The following SGCZ variants were observed in gnomAD, a reference collection of about 807,000 sequenced individuals.
The protein encoded by SGCZ is zeta-sarcoglycan.
SGCZ carries 40 observed loss-of-function variants against 41.3 expected under a neutral mutation model. The ratio of observed to expected loss-of-function variants is 0.97; its 90% CI spans 0.75 to 1.26. The LOEUF is 1.26. Ranked by LOEUF, SGCZ falls within the 50% of genes most tolerant of loss-of-function variation. The pLI is 0.00. For missense variants in SGCZ, 552 were observed against 369.8 expected (o/e 1.49, Z -4.04); for synonymous variants, 206 against 137.5 (o/e 1.50, Z -3.49).
chr8:14,735,842 C>G (rs1342078279), intron 1 of SGCZ, among the ~76,000 whole-genome samples: 2 of 151,990 alleles, frequency 1.3e-5, no homozygotes, highest in African/African-American at 4.8e-5. Context: ...ATTAGGGAGG[C>G]CTTGCTGACA....
At chr8:14,264,144 GC>G (rs2117242911) in intron 3 of SGCZ, among the ~76,000 whole-genome samples, 1 of 152,318 alleles carries the variant, frequency 6.6e-6, no homozygotes, top group Admixed American at 6.5e-5. Flanking sequence ...GGCCATAGCT[GC>G]CCTGGTCCCA....
At chr8:14,553,937 G>A (rs921356454) in intron 2 of SGCZ, among the ~76,000 whole-genome samples, 10 of 152,004 alleles carry the variant, frequency 6.6e-5, no homozygotes, top group Admixed American at 6.6e-4. Flanking sequence ...AGGTCCCCAA[G>A]GAAAAGCAGA....
chr8:14,625,002 A>G (rs752118318), intron 1 of SGCZ, among the ~76,000 whole-genome samples: 8 of 152,046 alleles, frequency 5.3e-5, no homozygotes, highest in Non-Finnish European at 1.2e-4. Context: ...CTTAGGTATA[A>G]TCTTCTGTTA....
At chr8:15,109,827 G>A (rs1806977297) in intron 1 of SGCZ, among the ~76,000 whole-genome samples, 1 of 152,018 alleles carries the variant, frequency 6.6e-6, no homozygotes, top group South Asian at 2.1e-4. Flanking sequence ...AATAGATATG[G>A]TTACTCTCAT....
At chr8:14,832,636 A>AG (rs1802570933) in intron 1 of SGCZ, among the ~76,000 whole-genome samples, 1 of 152,196 alleles carries the variant, frequency 6.6e-6, no homozygotes, top group South Asian at 2.1e-4. Flanking sequence ...GAGACATGAA[A>AG]GGGTGTCTGC....
chr8:15,237,503 C>A (rs1585705823), intron 1 of SGCZ, 82 bp downstream of exon 1: 1 of 1,500,864 alleles, frequency 6.7e-7, no homozygotes, highest in Non-Finnish European at 9.1e-7. Flanking sequence ...TACTCCGCGC[C>A]GCTGGAGGAG....
chr8:14,360,994 C>T lies in SGCZ; in HGVS notation c.235-36790G>A, dbSNP rs1350541354. On this transcript the variant is annotated intron_variant, in intron 2 of 7. Coordinates refer to ENST00000382080, the MANE Select transcript of SGCZ (RefSeq NM_139167.4). The stretch of plus-strand genomic sequence containing the variant: ...TTATATTAGCATTCTGATACCTGTG[C>T]AGTGATATCTCATAGTTTTCATATG... 2.6e-5 allele frequency among the ~76,000 whole-genome samples: 4 copies of T among 152,130 alleles called. No individual in the cohort carries two copies. In the East Asian group the frequency reaches 7.7e-4, roughly 29 times the overall value.
At chr8:15,112,624 G>C (rs1807111354) in intron 1 of SGCZ, among the ~76,000 whole-genome samples, 1 of 152,176 alleles carries the variant, frequency 6.6e-6, no homozygotes, top group Non-Finnish European at 1.5e-5. Flanking sequence ...CTCATCACTT[G>C]TGATGCTTGT....
intron 1 of SGCZ, among the ~76,000 whole-genome samples, chr8:14,632,057 G>A (rs1290065823): frequency 1.3e-5 from 2 of 151,814 alleles, no homozygotes; most frequent in Non-Finnish European, 2.9e-5. Flanking sequence ...TTGTTCTGTT[G>A]CAGGTTGAAA....
At chr8:14,744,350 A>G (rs970733050) in intron 1 of SGCZ, among the ~76,000 whole-genome samples, 1 of 152,136 alleles carries the variant, frequency 6.6e-6, no homozygotes, top group Non-Finnish European at 1.5e-5. Context: ...ACAGGTCTAT[A>G]GGCCAGAACA....
intron 1 of SGCZ, among the ~76,000 whole-genome samples, chr8:15,113,589 T>C (rs967150539): frequency 2.3e-4 from 35 of 152,190 alleles, no homozygotes; most frequent in Non-Finnish European, 2.9e-5. Context: ...ATCCAGAGCA[T>C]GTCTCTTCGG....
chr8:14,862,794 G>GAA (rs1016146671), intron 1 of SGCZ, among the ~76,000 whole-genome samples: 2 of 151,804 alleles, frequency 1.3e-5, no homozygotes, highest in African/African-American at 2.4e-5. Context: ...TGAGCAGAGA[G>GAA]AAACCTGCTT....
chr8:14,417,411 C>T (rs76788244), intron 2 of SGCZ, among the ~76,000 whole-genome samples: 2,952 of 151,774 alleles, frequency 0.019, 78 homozygotes, highest in African/African-American at 0.051. Context: ...TCTTTGATTA[C>T]ACCTAAGATT....
At chr8:15,037,638 A>G (rs1803919151) in intron 1 of SGCZ, among the ~76,000 whole-genome samples, 1 of 152,180 alleles carries the variant, frequency 6.6e-6, no homozygotes, top group African/African-American at 2.4e-5. Context: ...ATTACACAAG[A>G]GAAACAAATA....
chr8:15,102,180 T>C (rs1032889928), intron 1 of SGCZ, among the ~76,000 whole-genome samples: 1 of 152,182 alleles, frequency 6.6e-6, no homozygotes, highest in Non-Finnish European at 1.5e-5. Flanking sequence ...AGTAGGTGCA[T>C]ACAAACTGTG....
chr8:14,164,849 T>A, intron 4 of SGCZ, 147 bp from the exon 5 acceptor site: 1 of 1,079,118 alleles, frequency 9.3e-7, no homozygotes, highest in Non-Finnish European at 1.3e-6. Context: ...ATCTTTAAAT[T>A]GTCACCATTT....
chr8:14,984,045 T>C (rs1343413760), intron 1 of SGCZ, among the ~76,000 whole-genome samples: 1 of 152,210 alleles, frequency 6.6e-6, no homozygotes, highest in Non-Finnish European at 1.5e-5. Context: ...TTTAGCTGAA[T>C]GGCAGTGATT....
At chr8:14,632,193 G>T (rs191591477) in intron 1 of SGCZ, among the ~76,000 whole-genome samples, 157 of 151,646 alleles carry the variant, frequency 1.0e-3, no homozygotes, top group Admixed American at 7.5e-3. Flanking sequence ...TAATTTTTAA[G>T]ATTTTTTTTT....
rs77298004 is a variant in SGCZ, at chr8:14,743,052, C to G, written c.40-188126G>C. On this transcript the variant is annotated intron_variant, in intron 1 of 7. Coordinates refer to ENST00000382080, the MANE Select transcript of SGCZ (RefSeq NM_139167.4). ...TAATCTGCTTAATTAACTCAAATAT[C>G]ATAAAAGACTGCGTGGATTTTCTTA... Among the ~76,000 whole-genome samples the G allele has an allele frequency of 4.9e-3, 745 of 152,168 alleles. 3 individuals carry two copies. Among genetic ancestry groups the G allele is most frequent in the East Asian group, 0.02 (104 of 5,178 alleles).
Sources: gnomAD v4.1 joint callset for allele counts (sites outside exome capture counted in the v4.1 genomes callset) on GRCh38, gnomAD v4.1.1 for gene constraint, MANE v1.5 for transcripts, NCBI Gene and HGNC (gene_info 2026-07-23, HGNC 2026-07-21) for gene names.